Variants in ALKBH8 observed in about 807,000 individuals in gnomAD.
ALKBH8 encodes tRNA (carboxymethyluridine(34)-5-O)-methyltransferase ALKBH8.
In ALKBH8, 36 loss-of-function variants were observed where a neutral mutation model predicts 59.8. That is an observed-to-expected ratio of 0.60 (90% CI 0.46 to 0.79). ALKBH8 has a LOEUF of 0.79. ALKBH8 is among the 30% of genes least tolerant of loss of function. The pLI is 0.00. For missense variants in ALKBH8, 768 were observed against 801.0 expected, an observed-to-expected ratio of 0.96 and a Z score of 0.50; for synonymous variants, 276 against 273.6, an observed-to-expected ratio of 1.01 and a Z score of -0.09.
intron 7 of ALKBH8, among the ~76,000 whole-genome samples, chr11:107,549,291 T>C (rs1168918527): frequency 3.3e-5 from 5 of 152,254 alleles, no homozygotes; most frequent in Admixed American, 3.3e-4. Context: ...ATTCTTCATC[T>C]GTAAAAATGA....
chr11:107,565,464 G>C (rs1865093445), intron 1 of ALKBH8, 137 bp downstream of exon 1: 1 of 1,234,428 alleles, frequency 8.1e-7, no homozygotes, highest in Admixed American at 2.1e-5. Flanking sequence ...CTGCACCAAG[G>C]GCGCCTCTGG....
At chr11:107,535,278 G>T (rs964773213) in intron 7 of ALKBH8, among the ~76,000 whole-genome samples, 2 of 152,168 alleles carry the variant, frequency 1.3e-5, no homozygotes, top group African/African-American at 4.8e-5. Context: ...CTGGGAGTGG[G>T]TCTGCTGGAT....
intron 11 of ALKBH8, among the ~76,000 whole-genome samples, chr11:107,508,082 A>C (rs1862466024): frequency 2.6e-5 from 4 of 152,174 alleles, no homozygotes; most frequent in Non-Finnish European, 2.9e-5. Flanking sequence ...CTCCTCCACT[A>C]AACTATGAGC....
At chr11:107,540,749 C>T (rs538814714) in intron 7 of ALKBH8, among the ~76,000 whole-genome samples, 1 of 152,196 alleles carries the variant, frequency 6.6e-6, no homozygotes, top group African/African-American at 2.4e-5. Flanking sequence ...TCACAAACCA[C>T]TTCGATAAAA....
Position 107,565,613 on chromosome 11 carries a change from T to G in ALKBH8, c.-19A>C, listed in dbSNP as rs1865103248. 6.5e-7 allele frequency: 1 copy of G among 1,535,610 alleles called. No individual in the cohort carries two copies. Among genetic ancestry groups the G allele is most frequent in the Non-Finnish European group, 8.7e-7 (1 of 1,146,910 alleles). On this transcript the variant is annotated 5_prime_UTR_variant, in exon 1 of 12. Transcript: ENST00000428149. Reference sequence around the variant, plus strand: ...AAGTGCCACACACCTCCGCTTCGGCTCAGGCCGGATTCTCACCATGCGTGT... The same window carrying G: ...AAGTGCCACACACCTCCGCTTCGGCGCAGGCCGGATTCTCACCATGCGTGT...
chr11:107,523,856 C>T (rs56770371), intron 9 of ALKBH8, among the ~76,000 whole-genome samples: 7,408 of 151,944 alleles, frequency 0.049, 369 homozygotes, highest in East Asian at 0.22. Flanking sequence ...CCCACCTTGG[C>T]CTCCCAAAGT....
rs142347752 is a variant in ALKBH8 at position 107,508,079 on chromosome 11, A to T, written c.1437+2808T>A. ...TAAATAAATAAATGCTGCCTCCTCC[A>T]CTAAACTATGAGCTCTATGAAGCAG... On this transcript the variant is annotated intron_variant, in intron 11 of 11. Coordinates refer to ENST00000428149, the MANE Select transcript of ALKBH8 (RefSeq NM_138775.3). Among the ~76,000 whole-genome samples the T allele has an allele frequency of 1.2e-3, 177 of 152,104 alleles. 1 individual carries two copies. Among genetic ancestry groups the T allele is most frequent in the African/African-American group, 4.2e-3 (173 of 41,502 alleles).
At chr11:107,521,232 T>C (rs1016550861) in intron 10 of ALKBH8, among the ~76,000 whole-genome samples, 1 of 152,174 alleles carries the variant, frequency 6.6e-6, no homozygotes, top group African/African-American at 2.4e-5. Flanking sequence ...GCATTTGAGA[T>C]GTATGGCCCC....
chr11:107,535,528 C>G (rs1565332605), intron 7 of ALKBH8, among the ~76,000 whole-genome samples: 1 of 152,126 alleles, frequency 6.6e-6, no homozygotes, highest in Admixed American at 6.5e-5. Flanking sequence ...CATTTTTTCA[C>G]ATGCTTGTTG....
chr11:107,554,505 C>T (rs975409753), intron 3 of ALKBH8, among the ~76,000 whole-genome samples: 2 of 152,036 alleles, frequency 1.3e-5, no homozygotes, highest in African/African-American at 4.8e-5. Context: ...TTCAAAGTTT[C>T]AGATAGGTAT....
chr11:107,531,482 A>T (rs1002635945), intron 8 of ALKBH8, among the ~76,000 whole-genome samples: 17 of 152,242 alleles, frequency 1.1e-4, no homozygotes, highest in Non-Finnish European at 2.4e-4. Context: ...AGAGCAAAGG[A>T]AAGTTGAGAA....
At chr11:107,537,737 T>C (rs1258016183) in intron 7 of ALKBH8, among the ~76,000 whole-genome samples, 1 of 151,192 alleles carries the variant, frequency 6.6e-6, no homozygotes. Context: ...AAAAAAAATT[T>C]GGTGATTCCA....
At chr11:107,564,750 CATTAATTTGTTTATTCTGTCT>C (rs1251038185) in intron 1 of ALKBH8, among the ~76,000 whole-genome samples, 1 of 152,186 alleles carries the variant, frequency 6.6e-6, no homozygotes, top group Non-Finnish European at 1.5e-5. Context: ...CTTACACTCT[CATTAATTTGTTTATTCTGTCT>C]TTCCCCATAA....
Position 107,551,737 on chromosome 11 carries a change from C to T in ALKBH8, c.700+71G>A, listed in dbSNP as rs1864507232. 3 of 580,608 alleles carry T rather than the reference C, an allele frequency of 5.2e-6. No individual in the cohort carries two copies. In the South Asian group the frequency reaches 1.1e-4, roughly 22 times the overall value. The allele number at this position is 580,608 out of a possible 1,614,324, so 36.0% of individuals were successfully genotyped here. On this transcript the variant is annotated intron_variant, in intron 6 of 11. Coordinates refer to ENST00000428149, the MANE Select transcript of ALKBH8 (RefSeq NM_138775.3). Reference sequence around the variant, plus strand: ...AATAATAATAATAATAATATATCTGCCCTTAGAGAATTATATCATCTACTC... The same window carrying T: ...AATAATAATAATAATAATATATCTGTCCTTAGAGAATTATATCATCTACTC...
intron 10 of ALKBH8, among the ~76,000 whole-genome samples, chr11:107,514,509 T>C (rs566973284): frequency 6.6e-6 from 1 of 152,292 alleles, no homozygotes; most frequent in African/African-American, 2.4e-5. Flanking sequence ...TATTTTAAGA[T>C]AAAAAGTACT....
At chr11:107,551,650 C>T (rs112870957) in intron 6 of ALKBH8, among the ~76,000 whole-genome samples, 158 bp downstream of exon 6, 2,068 of 149,386 alleles carry the variant, frequency 0.014, 40 homozygotes, top group African/African-American at 0.048. Flanking sequence ...ACCGAGACCA[C>T]GCCGTTGCAC....
chr11:107,565,410 A>C, intron 1 of ALKBH8, 191 bp downstream of exon 1: 4 of 694,306 alleles, frequency 5.8e-6, no homozygotes, highest in Non-Finnish European at 7.2e-6. Context: ...CATGCACCCT[A>C]AACACTGAGA....
chr11:107,512,208 T>C (rs1862659519), intron 10 of ALKBH8, among the ~76,000 whole-genome samples: 1 of 132,732 alleles, frequency 7.5e-6, no homozygotes, highest in African/African-American at 2.6e-5. Context: ...CATATATATG[T>C]AATATACAGA....
At chr11:107,546,671 AT>A (rs1201897877) in intron 7 of ALKBH8, among the ~76,000 whole-genome samples, 10 of 152,268 alleles carry the variant, frequency 6.6e-5, no homozygotes, top group African/African-American at 2.4e-4. Context: ...AATCATTTTT[AT>A]TTGGGTTTTC....
Sources: allele counts gnomAD v4.1 joint callset (sites outside exome capture counted in the v4.1 genomes callset), GRCh38; gene constraint gnomAD v4.1.1; transcripts MANE v1.5; gene names NCBI Gene and HGNC (gene_info 2026-07-23, HGNC 2026-07-21).